Variants in ABTB2 observed in about 807,000 individuals in gnomAD.
ABTB2 encodes ankyrin repeat and BTB domain containing 2.
A neutral mutation model predicts 104.1 loss-of-function variants in ABTB2; 56 were observed. The observed-to-expected ratio is 0.54, with a 90% CI of 0.43 to 0.67. ABTB2 has a LOEUF of 0.67. ABTB2 is among the 30% of genes least tolerant of loss of function. ABTB2 has a pLI of 0.00. For missense variants in ABTB2, 1,279 were observed against 1,407.7 expected, an observed-to-expected ratio of 0.91 and a Z score of 1.46; for synonymous variants, 606 against 608.2, an observed-to-expected ratio of 1.00 and a Z score of 0.05.
chr11:34,245,495 T>C (rs1258361046), intron 1 of ABTB2, among the ~76,000 whole-genome samples: 1 of 152,218 alleles, frequency 6.6e-6, no homozygotes, highest in Non-Finnish European at 1.5e-5. Context: ...TTCTCAATTA[T>C]CTGAGGTGTG....
intron 1 of ABTB2, among the ~76,000 whole-genome samples, chr11:34,225,932 G>A (rs1186813271): frequency 1.3e-5 from 2 of 151,900 alleles, no homozygotes; most frequent in African/African-American, 2.4e-5. Context: ...AGCCAGGTGC[G>A]GTGGCTCACG....
intron 13 of ABTB2, among the ~76,000 whole-genome samples, 158 bp from the exon 14 acceptor site, chr11:34,159,544 C>T (rs570894122): frequency 2.6e-5 from 4 of 152,348 alleles, no homozygotes; most frequent in South Asian, 4.1e-4. Flanking sequence ...TGCCATTTTA[C>T]ACCATCTTAG....
At chr11:34,347,837 C>A (rs1242748326) in intron 1 of ABTB2, among the ~76,000 whole-genome samples, 2 of 152,090 alleles carry the variant, frequency 1.3e-5, no homozygotes, top group African/African-American at 4.8e-5. Context: ...AAATAATAAA[C>A]CCTAAACTGG....
intron 1 of ABTB2, among the ~76,000 whole-genome samples, chr11:34,306,604 G>A (rs1424215943): frequency 2.0e-5 from 3 of 151,960 alleles, no homozygotes; most frequent in Admixed American, 2.0e-4. Flanking sequence ...TGTGCCTGTA[G>A]TCCCAGCTAC....
intron 1 of ABTB2, among the ~76,000 whole-genome samples, chr11:34,330,958 G>A (rs1169430555): frequency 1.3e-5 from 2 of 152,208 alleles, no homozygotes; most frequent in Non-Finnish European, 2.9e-5. Flanking sequence ...TGGGCAGGAT[G>A]CAAATCTGCC....
intron 1 of ABTB2, 89 bp from the exon 2 acceptor site, chr11:34,204,779 C>T: frequency 7.1e-7 from 1 of 1,408,524 alleles, no homozygotes; most frequent in Non-Finnish European, 9.6e-7. Flanking sequence ...CTCAGCCCTG[C>T]TCCCCTGCTC....
At chr11:34,245,159 C>G (rs1853970074) in intron 1 of ABTB2, among the ~76,000 whole-genome samples, 1 of 152,196 alleles carries the variant, frequency 6.6e-6, no homozygotes, top group African/African-American at 2.4e-5. Flanking sequence ...CTGACACATG[C>G]CTCATCTCTG....
chr11:34,154,180 C>G lies in ABTB2; in HGVS notation c.2880+85G>C. 1 of 1,060,340 alleles carries G rather than the reference C, an allele frequency of 9.4e-7. No homozygotes were observed. The highest frequency in any genetic ancestry group is 2.5e-5 in the East Asian group (1 of 39,420). The allele number at this position is 1,060,340 out of a possible 1,614,324, so 65.7% of individuals were successfully genotyped here. A position where few individuals can be genotyped will look rare whatever the true frequency, so the allele number is the denominator to read the frequency against. ...GCCTGGTCACCTGCATCTCCTAGCT[C>G]ATCCCCAGTGCAGCCACACGGCCGA... On this transcript the variant is annotated intron_variant, in intron 16 of 16. Coordinates refer to ENST00000435224, the MANE Select transcript of ABTB2 (RefSeq NM_145804.3). This position sits in a 1 kb window ranked among gnomAD's most constrained non-coding sequence, Gnocchi z 4.9.
At chr11:34,172,463 T>G (rs200204839) in intron 4 of ABTB2, among the ~76,000 whole-genome samples, 1 of 97,758 alleles carries the variant, frequency 1.0e-5, no homozygotes, top group African/African-American at 4.0e-5. Flanking sequence ...GATAGATAGA[T>G]AGATAGATAG....
At chr11:34,305,666 G>A (rs1258369257) in intron 1 of ABTB2, among the ~76,000 whole-genome samples, 1 of 152,168 alleles carries the variant, frequency 6.6e-6, no homozygotes, top group Non-Finnish European at 1.5e-5. Flanking sequence ...GAGGACAAGG[G>A]AGTAGAATTT....
In ABTB2 at chr11:34,197,489, C is replaced by G; in HGVS notation, c.1080G>C (p.Leu360=). ...GGCGGGCAGGGCTGGCACCCGGGCA[C>G]AGGGGGTGACGCCCCTGCATGTGGT... is the stretch of plus-strand genomic sequence containing the variant. ...AMHHMQGRHP[L]CPGASPARQA... is the part of the protein sequence containing the mutation. Residue 360 remains leucine, a synonymous_variant, in exon 3 of 17, where the codon CTG becomes CTC. Coordinates refer to ENST00000435224, the MANE Select transcript of ABTB2 (RefSeq NM_145804.3). The G allele has an allele frequency of 6.3e-7, 1 of 1,580,014 alleles. No individual in the cohort carries two copies. The highest frequency in any genetic ancestry group is 8.6e-7 in the Non-Finnish European group (1 of 1,165,662).
At chr11:34,306,532 C>A (rs1444915127) in intron 1 of ABTB2, among the ~76,000 whole-genome samples, 1 of 152,020 alleles carries the variant, frequency 6.6e-6, no homozygotes, top group Admixed American at 6.6e-5. Flanking sequence ...CAGGCGTGAG[C>A]CACTGCGCCC....
chr11:34,269,967 C>G (rs1854294165), intron 1 of ABTB2, among the ~76,000 whole-genome samples: 1 of 152,222 alleles, frequency 6.6e-6, no homozygotes, highest in South Asian at 2.1e-4. Context: ...GAAAATCAAA[C>G]AAGTCAAATG....
At position 34,204,645 on chromosome 11, in the gene ABTB2, G is replaced by A. The variant is rs746001680; in HGVS notation, c.929C>T (p.Ser310Phe). The A allele has an allele frequency of 6.2e-7, 1 of 1,611,374 alleles. No individual in the cohort carries two copies. The highest frequency in any genetic ancestry group is 8.5e-7 in the Non-Finnish European group (1 of 1,178,896). The change falls in exon 2 of 17, where the codon TCC becomes TTC. Residue 310 changes from serine (S) to phenylalanine (F), a missense_variant. Coordinates refer to ENST00000435224, the MANE Select transcript of ABTB2 (RefSeq NM_145804.3). ...ATCGGCTCGCTCGTCATGGCCCAGG[G>A]ACCCGCCGTTGTAGGGGCTGAAGTA... The part of the protein sequence containing the change: ...PAYFSPYNGG[S>F]LGHDERADAY...
At position 34,197,423 on chromosome 11, in the gene ABTB2, G is replaced by A. The variant is rs747464313; in HGVS notation, c.1146C>T (p.Asp382=). The stretch of plus-strand genomic sequence containing the variant: ...GAAAGTAGTAGAGCGTGTGGAGGGC[G>A]TCGGGGGACCAAGTGATGGGCTGTG... ...QPPQPITWSP[D]ALHTLYYFLR... Residue 382 remains aspartate, a synonymous_variant, in exon 3 of 17, where the codon GAC becomes GAT. Coordinates refer to ENST00000435224, the MANE Select transcript of ABTB2 (RefSeq NM_145804.3). 75 of 1,608,200 alleles carry A rather than the reference G, an allele frequency of 4.7e-5. No individual in the cohort carries two copies. Among genetic ancestry groups the A allele is most frequent in the South Asian group, 4.4e-4 (40 of 90,878 alleles).
In ABTB2 at chr11:34,165,321, C is replaced by T. The variant is rs756246848; in HGVS notation, c.1791G>A (p.Ser597=). ...LLDAGAHVEG[S]AVNGGEDSYA... is the part of the protein sequence containing the mutation. ...AGCTGTCCTCGCCGCCGTTCACTGCCGAGCCCTCGACATGGGCACCAGCAT... is the reference window on the plus strand; with the variant it reads ...AGCTGTCCTCGCCGCCGTTCACTGCTGAGCCCTCGACATGGGCACCAGCAT... Residue 597 remains serine, a synonymous_variant, in exon 8 of 17, where the codon TCG becomes TCA. Transcript: ENST00000435224. 1.2e-5 allele frequency: 19 copies of T among 1,585,282 alleles called. No homozygotes were observed. The highest frequency in any genetic ancestry group is 2.3e-5 in the East Asian group (1 of 42,848).
At chr11:34,207,584 T>C (rs1240146312) in intron 1 of ABTB2, among the ~76,000 whole-genome samples, 3 of 152,200 alleles carry the variant, frequency 2.0e-5, no homozygotes, top group Non-Finnish European at 2.9e-5. Flanking sequence ...CTGACTTTTA[T>C]TGAAGGCTTA....
At chr11:34,313,030 T>C (rs1462502647) in intron 1 of ABTB2, among the ~76,000 whole-genome samples, 2 of 152,152 alleles carry the variant, frequency 1.3e-5, no homozygotes, top group African/African-American at 4.8e-5. Flanking sequence ...AAAGACCCAA[T>C]TTCTTAGCAA....
intron 1 of ABTB2, among the ~76,000 whole-genome samples, chr11:34,290,447 AG>A (rs1474896282): frequency 4.6e-5 from 7 of 152,220 alleles, no homozygotes; most frequent in Non-Finnish European, 5.9e-5. Flanking sequence ...TCTCTGTAAT[AG>A]GTGATAGTAA....
Sources: allele counts gnomAD v4.1 joint callset (sites outside exome capture counted in the v4.1 genomes callset), GRCh38; gene constraint gnomAD v4.1.1; non-coding constraint Gnocchi (gnomAD v3.1); transcripts MANE v1.5; gene names NCBI Gene and HGNC (gene_info 2026-07-23, HGNC 2026-07-21).